Variants in GRIK1 observed in about 807,000 individuals in gnomAD.
The protein encoded by GRIK1 is glutamate ionotropic receptor kainate type subunit 1, also known as glutamate receptor ionotropic, kainate 1.
A neutral mutation model predicts 105.7 loss-of-function variants in GRIK1; 69 were observed. That is an observed-to-expected ratio of 0.65 (90% CI 0.54 to 0.80). The LOEUF (loss-of-function observed/expected upper bound fraction) is 0.80, where lower values mean the gene tolerates loss of function less well. Among genes scored for constraint, GRIK1 ranks in the 30% least tolerant of loss-of-function variants. GRIK1 has a pLI of 0.00. For synonymous variants in GRIK1, 438 were observed against 431.3 expected, an observed-to-expected ratio of 1.02 and a Z score of -0.19; for missense variants, 1,109 against 1,167.3, an observed-to-expected ratio of 0.95 and a Z score of 0.73.
At chr21:29,626,713 A>C (rs1193715822) in intron 7 of GRIK1, among the ~76,000 whole-genome samples, 1 of 152,178 alleles carries the variant, frequency 6.6e-6, no homozygotes, top group Non-Finnish European at 1.5e-5. Context: ...GTCAATGTTT[A>C]GCACCATTGG....
intron 14 of GRIK1, 39 bp downstream of exon 14, chr21:29,576,925 T>C: frequency 9.2e-7 from 1 of 1,087,836 alleles, no homozygotes; most frequent in Non-Finnish European, 1.4e-6. Context: ...CTACCACAAG[T>C]ATCAGATAAT....
At chr21:29,710,602 ATTAT>A (rs150147575) in intron 1 of GRIK1, among the ~76,000 whole-genome samples, 6,529 of 146,054 alleles carry the variant, frequency 0.045, 198 homozygotes, top group Non-Finnish European at 0.068. Flanking sequence ...AATTTTAATT[ATTAT>A]TTATTTTAGA....
At chr21:29,580,472 T>C (rs959880409) in intron 13 of GRIK1, among the ~76,000 whole-genome samples, 8 of 110,184 alleles carry the variant, frequency 7.3e-5, no homozygotes, top group African/African-American at 1.7e-4. Flanking sequence ...AGTATTATAA[T>C]TTGGTATTTC....
intron 12 of GRIK1, among the ~76,000 whole-genome samples, chr21:29,584,668 A>G (rs2091092959): frequency 1.3e-5 from 2 of 152,226 alleles, no homozygotes; most frequent in South Asian, 2.1e-4. Context: ...TTCCCCTTTA[A>G]AAGAACATAA....
intron 1 of GRIK1, among the ~76,000 whole-genome samples, chr21:29,827,766 C>G (rs2067501889): frequency 6.6e-6 from 1 of 152,064 alleles, no homozygotes; most frequent in Non-Finnish European, 1.5e-5. Flanking sequence ...GTAAACACCC[C>G]AAAACTTAGC....
chr21:29,545,768 G>T (rs1160742028), intron 16 of GRIK1, among the ~76,000 whole-genome samples: 2 of 152,178 alleles, frequency 1.3e-5, no homozygotes, highest in Admixed American at 6.5e-5. Flanking sequence ...GCCTATGGTA[G>T]TGGGAATGCA....
chr21:29,935,737 A>C (rs965642198), intron 1 of GRIK1, among the ~76,000 whole-genome samples: 2 of 152,136 alleles, frequency 1.3e-5, no homozygotes, highest in Non-Finnish European at 2.9e-5. Context: ...ATAGTACCAT[A>C]TTTATTTGGT....
chr21:29,919,916 T>C (rs2071134548), intron 1 of GRIK1, among the ~76,000 whole-genome samples: 1 of 152,110 alleles, frequency 6.6e-6, no homozygotes, highest in African/African-American at 2.4e-5. Context: ...AATAAACCAA[T>C]TAAGTTTTGA....
intron 1 of GRIK1, among the ~76,000 whole-genome samples, chr21:29,780,754 C>T (rs114620567): frequency 2.2e-3 from 340 of 152,308 alleles, no homozygotes; most frequent in African/African-American, 7.8e-3. Context: ...TTATGGATTT[C>T]CTGTCCATCT....
intron 5 of GRIK1, among the ~76,000 whole-genome samples, chr21:29,654,110 T>A (rs1423579257): frequency 6.6e-6 from 1 of 152,160 alleles, no homozygotes; most frequent in Non-Finnish European, 1.5e-5. Flanking sequence ...TTTCTTCTCA[T>A]GTAAGGAAGT....
intron 4 of GRIK1, among the ~76,000 whole-genome samples, chr21:29,656,216 G>T (rs2062844458): frequency 6.6e-6 from 1 of 151,438 alleles, no homozygotes; most frequent in African/African-American, 2.4e-5. Context: ...CACAAAATTA[G>T]CCAGGCGTGG....
intron 7 of GRIK1, among the ~76,000 whole-genome samples, chr21:29,622,047 A>G (rs1260768062): frequency 6.6e-6 from 1 of 152,040 alleles, no homozygotes; most frequent in Non-Finnish European, 1.5e-5. Context: ...CCCAGGTTCA[A>G]GTGATTCTCC....
intron 1 of GRIK1, among the ~76,000 whole-genome samples, chr21:29,780,010 T>A (rs1237929202): frequency 1.3e-5 from 2 of 152,236 alleles, no homozygotes; most frequent in Non-Finnish European, 2.9e-5. Flanking sequence ...TTTATTAGCT[T>A]TGTGGTCTTG....
Position 29,623,658 on chromosome 21 carries a change from C to T in GRIK1, c.1098+19168G>A, listed in dbSNP as rs552946901. Among the ~76,000 whole-genome samples, 59 of 152,240 alleles carry T rather than the reference C, an allele frequency of 3.9e-4. No homozygotes were observed. The South Asian group carries it at 5.2e-3, about 13-fold the overall frequency. ...CTTATTTCATGAATAACCTCAATAA[C>T]TCTCAAAATGAATATTGTTTAGCTT... is the stretch of plus-strand genomic sequence containing the variant. On this transcript the variant is annotated intron_variant, in intron 7 of 17. Transcript: ENST00000327783.
At chr21:29,656,234 T>C (rs1419704878) in intron 4 of GRIK1, among the ~76,000 whole-genome samples, 3 of 150,176 alleles carry the variant, frequency 2.0e-5, no homozygotes, top group South Asian at 4.2e-4. Flanking sequence ...TGGTGGCGGG[T>C]GCCTGTAATC....
chr21:29,684,667 C>A (rs2063453950), intron 3 of GRIK1, among the ~76,000 whole-genome samples: 1 of 152,152 alleles, frequency 6.6e-6, no homozygotes, highest in Admixed American at 6.5e-5. Flanking sequence ...GCCACCACGC[C>A]AGGCTAATTT....
intron 1 of GRIK1, among the ~76,000 whole-genome samples, chr21:29,828,777 G>A (rs2067546483): frequency 6.6e-6 from 1 of 152,110 alleles, no homozygotes; most frequent in Non-Finnish European, 1.5e-5. Flanking sequence ...AGGATTTCAG[G>A]AATGAGGCAT....
chr21:29,709,661 T>G (rs1343842678), intron 1 of GRIK1, among the ~76,000 whole-genome samples: 3 of 152,134 alleles, frequency 2.0e-5, no homozygotes, highest in African/African-American at 7.2e-5. Flanking sequence ...GATATTTATA[T>G]TTATTAGCTT....
At chr21:29,582,390 C>T (rs1177327960) in intron 12 of GRIK1, 1 of 463,088 alleles carries the variant, frequency 2.2e-6, no homozygotes, top group Non-Finnish European at 4.5e-6. Flanking sequence ...TATAGGTCTA[C>T]CTGCAAGGTG....
Sources: gnomAD v4.1 joint callset for allele counts (sites outside exome capture counted in the v4.1 genomes callset) on GRCh38, gnomAD v4.1.1 for gene constraint, MANE v1.5 for transcripts, NCBI Gene and HGNC (gene_info 2026-07-23, HGNC 2026-07-21) for gene names.